Variants in ADAM12 observed in about 807,000 individuals in gnomAD.
ADAM12 encodes the protein disintegrin and metalloproteinase domain-containing protein 12.
In ADAM12, 70 loss-of-function variants were observed where a neutral mutation model predicts 106.4. The ratio of observed to expected loss-of-function variants is 0.66; its 90% CI spans 0.54 to 0.80. The LOEUF (loss-of-function observed/expected upper bound fraction) is 0.80, where lower values mean the gene tolerates loss of function less well. ADAM12 is among the 30% of genes least tolerant of loss of function. The pLI is 0.00. For synonymous variants in ADAM12, 420 were observed against 433.5 expected, an observed-to-expected ratio of 0.97 and a Z score of 0.39; for missense variants, 1,010 against 1,171.9, an observed-to-expected ratio of 0.86 and a Z score of 2.02.
intron 21 of ADAM12, among the ~76,000 whole-genome samples, chr10:126,025,119 CA>C (rs1953844609): frequency 6.6e-6 from 1 of 152,100 alleles, no homozygotes; most frequent in Admixed American, 6.5e-5. Flanking sequence ...ACTGAAAACT[CA>C]AAAAGCCAGA....
chr10:126,154,292 A>G (rs1565099139), intron 4 of ADAM12, among the ~76,000 whole-genome samples: 1 of 152,140 alleles, frequency 6.6e-6, no homozygotes. Flanking sequence ...CATTAGCAAA[A>G]ATTCTTAAAT....
At chr10:126,235,053 G>C (rs1474343631) in intron 3 of ADAM12, among the ~76,000 whole-genome samples, 1 of 152,204 alleles carries the variant, frequency 6.6e-6, no homozygotes, top group Non-Finnish European at 1.5e-5. Context: ...GAAGAGTTGG[G>C]GAAGCTGGCA....
At chr10:126,042,313 C>G in intron 18 of ADAM12, 2 of 1,557,356 alleles carry the variant, frequency 1.3e-6, no homozygotes, top group South Asian at 2.3e-5. Flanking sequence ...AGCACCGCAC[C>G]AGTAAACCAT....
chr10:126,209,531 A>G (rs1957860900), intron 3 of ADAM12, among the ~76,000 whole-genome samples: 1 of 152,208 alleles, frequency 6.6e-6, no homozygotes, highest in South Asian at 2.1e-4. Flanking sequence ...AATAACCATA[A>G]TATGATGATT....
intron 1 of ADAM12, among the ~76,000 whole-genome samples, chr10:126,345,411 C>T (rs1049514885): frequency 9.8e-5 from 15 of 152,308 alleles, no homozygotes; most frequent in African/African-American, 1.7e-4. Flanking sequence ...TGATGTGCTG[C>T]TGGATTCGGT....
intron 2 of ADAM12, among the ~76,000 whole-genome samples, chr10:126,326,588 C>A (rs894949902): frequency 1.3e-5 from 2 of 152,190 alleles, no homozygotes; most frequent in Non-Finnish European, 2.9e-5. Context: ...TGGACAGTTG[C>A]ACTGGATTCC....
intron 12 of ADAM12, among the ~76,000 whole-genome samples, chr10:126,070,080 G>T (rs1330873100): frequency 1.3e-5 from 2 of 152,306 alleles, no homozygotes; most frequent in East Asian, 3.9e-4. Context: ...AGAAAGGTGA[G>T]AAACTTAAAC....
rs28809284 is a variant in ADAM12 at position 126,025,693 on chromosome 10, C to T, written c.2530-5868G>A. Reference sequence around the variant, plus strand: ...TCTCATCCAAAGGTGTCAGCAACCTCGAAGATCAAAGGTAGATAAGCCCAC... The same window carrying T: ...TCTCATCCAAAGGTGTCAGCAACCTTGAAGATCAAAGGTAGATAAGCCCAC... On this transcript the variant is annotated intron_variant, in intron 21 of 22. Coordinates refer to ENST00000448723, the MANE Select transcript of ADAM12 (RefSeq NM_001288973.2). Among the ~76,000 whole-genome samples, 21 of 152,058 alleles carry T rather than the reference C, an allele frequency of 1.4e-4. 1 individual carries two copies. Among genetic ancestry groups the T allele is most frequent in the South Asian group, 1.3e-3 (6 of 4,798 alleles).
At chr10:126,303,462 G>A (rs959553966) in intron 2 of ADAM12, among the ~76,000 whole-genome samples, 1 of 152,188 alleles carries the variant, frequency 6.6e-6, no homozygotes, top group South Asian at 2.1e-4. Context: ...AGGGATCCCA[G>A]TCCATTTCCC....
chr10:126,326,426 C>G (rs1378812309), intron 2 of ADAM12, among the ~76,000 whole-genome samples: 3 of 152,102 alleles, frequency 2.0e-5, no homozygotes, highest in Non-Finnish European at 2.9e-5. Context: ...AAGCTCCTGC[C>G]ACCTATGTAG....
chr10:126,378,592 G>A (rs10901605), intron 1 of ADAM12, among the ~76,000 whole-genome samples: 13,737 of 152,106 alleles, frequency 0.09, 673 homozygotes, highest in East Asian at 0.17. Context: ...ACACACACAC[G>A]AACCAACCAA....
chr10:126,161,579 G>A (rs1390820385), intron 3 of ADAM12, among the ~76,000 whole-genome samples: 1 of 152,248 alleles, frequency 6.6e-6, no homozygotes, highest in Non-Finnish European at 1.5e-5. Context: ...CATGCGGCAG[G>A]CACTGCCCCT....
intron 20 of ADAM12, among the ~76,000 whole-genome samples, chr10:126,036,992 C>CATCA (rs1321511115): frequency 6.6e-6 from 1 of 152,192 alleles, no homozygotes; most frequent in Non-Finnish European, 1.5e-5. Context: ...TGAATGCATC[C>CATCA]ATCACCCCAA....
rs1953657889 is a variant in ADAM12, at chr10:126,016,162, A to T, written c.*1117T>A. On this transcript the variant is annotated 3_prime_UTR_variant, in exon 23 of 23. Transcript: ENST00000448723. ...TCCAATATCTACGAATAATGATAGC[A>T]GACATGAACTATACCCATGAACATC... The T allele has an allele frequency of 6.6e-6, 1 of 152,228 alleles. No homozygotes were observed. Among genetic ancestry groups the T allele is most frequent in the Admixed American group, 6.5e-5 (1 of 15,282 alleles). 9.4% of individuals were successfully genotyped at this position (152,228 alleles called of 1,614,324 possible).
chr10:126,301,598 A>G (rs1960626869), intron 2 of ADAM12, among the ~76,000 whole-genome samples: 1 of 152,180 alleles, frequency 6.6e-6, no homozygotes, highest in Non-Finnish European at 1.5e-5. Context: ...GGTGGCTGAC[A>G]TAGCTGAATC....
Position 126,291,971 on chromosome 10 carries a change from G to A in ADAM12, c.187-12983C>T, listed in dbSNP as rs1960170215. Among the ~76,000 whole-genome samples the A allele has an allele frequency of 2.8e-5, 3 of 108,130 alleles. 1 individual carries two copies. Among genetic ancestry groups the A allele is most frequent in the South Asian group, 6.2e-4 (2 of 3,224 alleles). The allele number at this position is 108,130 out of a possible 152,430, so 70.9% of individuals were successfully genotyped here. A position where few individuals can be genotyped will look rare whatever the true frequency, so the allele number is the denominator to read the frequency against. Reference sequence around the variant, plus strand: ...TGTACACTTTGCTAATGAAAATTGGGGTTCAGCTTTTTTTTTTTCCCGTTG... The same window carrying A: ...TGTACACTTTGCTAATGAAAATTGGAGTTCAGCTTTTTTTTTTTCCCGTTG... On this transcript the variant is annotated intron_variant, in intron 2 of 22. Coordinates refer to ENST00000448723, the MANE Select transcript of ADAM12 (RefSeq NM_001288973.2).
chr10:126,057,737 A>T (rs1294625352), intron 14 of ADAM12, among the ~76,000 whole-genome samples: 1 of 152,162 alleles, frequency 6.6e-6, no homozygotes, highest in Non-Finnish European at 1.5e-5. Context: ...CCAGGGTGAA[A>T]TCTACCTGTG....
At chr10:126,100,749 A>T (rs894659834) in intron 9 of ADAM12, among the ~76,000 whole-genome samples, 1 of 152,046 alleles carries the variant, frequency 6.6e-6, no homozygotes, top group Non-Finnish European at 1.5e-5. Flanking sequence ...AAAACAAAAA[A>T]ATAGGCTACT....
intron 3 of ADAM12, among the ~76,000 whole-genome samples, chr10:126,247,901 C>T (rs1030684476): frequency 1.2e-4 from 19 of 152,288 alleles, no homozygotes; most frequent in Non-Finnish European, 2.2e-4. Context: ...TGTGGCTCCA[C>T]GAGCCAATGA....
Sources: gnomAD v4.1 joint callset for allele counts (sites outside exome capture counted in the v4.1 genomes callset) on GRCh38, gnomAD v4.1.1 for gene constraint, MANE v1.5 for transcripts, NCBI Gene and HGNC (gene_info 2026-07-23, HGNC 2026-07-21) for gene names.